KCNK9: variants seen among roughly 807,000 people sequenced by gnomAD.
KCNK9 encodes the protein potassium two pore domain channel subfamily K member 9, also known as potassium channel subfamily K member 9.
KCNK9 carries 1 observed loss-of-function variant against 10.8 expected under a neutral mutation model. The ratio of observed to expected loss-of-function variants is 0.09; its 90% CI spans 0.03 to 0.44. The LOEUF is 0.44. Ranked by LOEUF, KCNK9 falls within the 20% of genes least tolerant of loss-of-function variation. The pLI is 0.97. For synonymous variants in KCNK9, 231 were observed against 222.7 expected (o/e 1.04, Z -0.33); for missense variants, 303 against 515.0 (o/e 0.59, Z 3.98).
rs140553803 is a variant in KCNK9, at chr8:139,622,074, A to G, written c.284-2975T>C. Among the ~76,000 whole-genome samples, 488 of 152,262 alleles carry G rather than the reference A, an allele frequency of 3.2e-3. 6 individuals are homozygous for G. The highest frequency in any genetic ancestry group is 0.011 in the African/African-American group (474 of 41,538). On this transcript the variant is annotated intron_variant, in intron 1 of 1. Coordinates refer to ENST00000520439, the MANE Select transcript of KCNK9 (RefSeq NM_001282534.2). ...TATGTCCTGTCTCAGGCTTATGTCAATTCTCCTGCCGTCTTACTACAGCAT... is the reference window on the plus strand; with the variant it reads ...TATGTCCTGTCTCAGGCTTATGTCAGTTCTCCTGCCGTCTTACTACAGCAT...
intron 1 of KCNK9, among the ~76,000 whole-genome samples, chr8:139,645,153 C>T (rs951084563): frequency 1.3e-5 from 2 of 152,238 alleles, no homozygotes; most frequent in Admixed American, 1.3e-4. Flanking sequence ...CCACCAAGTG[C>T]TCCAGAGTCC....
intron 1 of KCNK9, among the ~76,000 whole-genome samples, chr8:139,629,889 C>T (rs1258626765): frequency 3.9e-5 from 6 of 152,164 alleles, no homozygotes; most frequent in Admixed American, 3.3e-4. Context: ...AATACGGTCA[C>T]ATTGGAAGTT....
chr8:139,686,571 A>G (rs1022375118), intron 1 of KCNK9, among the ~76,000 whole-genome samples: 3 of 152,174 alleles, frequency 2.0e-5, no homozygotes, highest in Non-Finnish European at 2.9e-5. Flanking sequence ...CTTCTCAACA[A>G]CCTTGAGGTC....
chr8:139,644,823 G>A (rs1160639233), intron 1 of KCNK9, among the ~76,000 whole-genome samples: 1 of 151,972 alleles, frequency 6.6e-6, no homozygotes, highest in Non-Finnish European at 1.5e-5. Flanking sequence ...CCTCCGCTGG[G>A]CCCCGGCACT....
At chr8:139,626,290 A>G (rs1263915548) in intron 1 of KCNK9, among the ~76,000 whole-genome samples, 1 of 152,128 alleles carries the variant, frequency 6.6e-6, no homozygotes, top group African/African-American at 2.4e-5. Flanking sequence ...TCTGCCCTCC[A>G]CTGTGGAGCT....
intron 1 of KCNK9, among the ~76,000 whole-genome samples, chr8:139,637,360 A>C (rs572673977): frequency 6.6e-6 from 1 of 152,262 alleles, no homozygotes; most frequent in Non-Finnish European, 1.5e-5. Flanking sequence ...TGTTCAAAGC[A>C]CTAAAAGAAC....
chr8:139,658,736 G>C (rs1286980713), intron 1 of KCNK9, among the ~76,000 whole-genome samples: 1 of 152,264 alleles, frequency 6.6e-6, no homozygotes, highest in African/African-American at 2.4e-5. Context: ...GCAGCTGAGA[G>C]GCCTGGACTT....
intron 2 of KCNK9, among the ~76,000 whole-genome samples, chr8:139,606,943 T>C (rs1814235812): frequency 6.6e-6 from 1 of 152,242 alleles, no homozygotes; most frequent in Admixed American, 6.5e-5. Flanking sequence ...TGGACTGAGA[T>C]GATCTCATAA....
rs71318310 is a variant in KCNK9 at position 139,687,411 on chromosome 8, C to CATATATATGTGTATACATATATATTCAT, written c.283+15298_283+15299insATGAATATATATGTATACACATATATAT. On this transcript the variant is annotated intron_variant, in intron 1 of 1. Transcript: ENST00000520439. ...ATATATATGTGTATACATATATATTCATATATGTGTATACATATATATTCA... is the reference window on the plus strand; with the variant it reads ...ATATATATGTGTATACATATATATTCATATATATGTGTATACATATATATTCATATATATGTGTATACATATATATTCA... Among the ~76,000 whole-genome samples the CATATATATGTGTATACATATATATTCAT allele has an allele frequency of 6.7e-4, 49 of 73,120 alleles. 12 individuals carry two copies. The highest frequency in any genetic ancestry group is 1.4e-3 in the African/African-American group (28 of 20,174). 48.0% of individuals were successfully genotyped at this position (73,120 alleles called of 152,430 possible).
chr8:139,682,262 C>T (rs1816705137), intron 1 of KCNK9, among the ~76,000 whole-genome samples: 1 of 152,204 alleles, frequency 6.6e-6, no homozygotes, highest in Non-Finnish European at 1.5e-5. Context: ...TGCCTATGTT[C>T]ATTCAACAAA....
intron 1 of KCNK9, among the ~76,000 whole-genome samples, chr8:139,673,545 A>G (rs1321332116): frequency 6.6e-6 from 1 of 152,192 alleles, no homozygotes; most frequent in African/African-American, 2.4e-5. Context: ...TGTGGCTGGT[A>G]AAACACCACT....
chr8:139,621,725 A>G, intron 1 of KCNK9, among the ~76,000 whole-genome samples: 1 of 152,228 alleles, frequency 6.6e-6, no homozygotes. Flanking sequence ...TTAAGTCTTC[A>G]GGAAAGAAGG....
chr8:139,655,108 C>T (rs1815983754), intron 1 of KCNK9, among the ~76,000 whole-genome samples: 2 of 152,194 alleles, frequency 1.3e-5, no homozygotes, highest in Non-Finnish European at 2.9e-5. Context: ...TCTCCAGGCT[C>T]CTCGCCCCCA....
chr8:139,643,913 C>T (rs548657037), intron 1 of KCNK9, among the ~76,000 whole-genome samples: 1 of 152,350 alleles, frequency 6.6e-6, no homozygotes, highest in African/African-American at 2.4e-5. Context: ...GGGGCTCTTC[C>T]CACACCTGCC....
chr8:139,648,095 A>G (rs1464038732), intron 1 of KCNK9, among the ~76,000 whole-genome samples: 3 of 152,232 alleles, frequency 2.0e-5, no homozygotes, highest in Non-Finnish European at 4.4e-5. Context: ...ATAAAAAGGA[A>G]AGAGGTACGG....
At chr8:139,621,358 A>AC (rs1249399213) in intron 1 of KCNK9, among the ~76,000 whole-genome samples, 1 of 152,110 alleles carries the variant, frequency 6.6e-6, no homozygotes, top group African/African-American at 2.4e-5. Flanking sequence ...AATTCAGTGA[A>AC]CCCCAGGCAG....
At chr8:139,641,850 T>G (rs1318431320) in intron 1 of KCNK9, among the ~76,000 whole-genome samples, 1 of 152,082 alleles carries the variant, frequency 6.6e-6, no homozygotes, top group Admixed American at 6.5e-5. Context: ...GCCACACTGG[T>G]GTCCAGCAGA....
downstream of KCNK9, among the ~76,000 whole-genome samples, chr8:139,608,314 G>A (rs1305034808): frequency 6.6e-6 from 1 of 152,136 alleles, no homozygotes; most frequent in Non-Finnish European, 1.5e-5. Flanking sequence ...CCTGGGGGCA[G>A]ATTCCCACCC....
intron 1 of KCNK9, among the ~76,000 whole-genome samples, chr8:139,683,558 G>A (rs868862191): frequency 1.2e-4 from 18 of 152,316 alleles, no homozygotes; most frequent in East Asian, 3.9e-4. Flanking sequence ...GCTTACTCAC[G>A]CATGGGGAGA....
Sources: allele counts gnomAD v4.1 joint callset (sites outside exome capture counted in the v4.1 genomes callset), GRCh38; gene constraint gnomAD v4.1.1; transcripts MANE v1.5; gene names NCBI Gene and HGNC (gene_info 2026-07-23, HGNC 2026-07-21).